The following CDH13 variants were observed in gnomAD, a reference collection of about 807,000 sequenced individuals.
The protein encoded by CDH13 is cadherin-13.
CDH13 carries 24 observed loss-of-function variants against 63.8 expected under a neutral mutation model. The observed-to-expected ratio is 0.38, with a 90% CI of 0.27 to 0.53. The LOEUF (loss-of-function observed/expected upper bound fraction) is 0.53. Ranked by LOEUF, CDH13 falls within the 20% of genes least tolerant of loss-of-function variation. CDH13 has a pLI of 0.85. For missense variants in CDH13, 1,049 were observed against 903.1 expected, an observed-to-expected ratio of 1.16 and a Z score of -2.07; for synonymous variants, 503 against 355.3, an observed-to-expected ratio of 1.42 and a Z score of -4.67.
intron 8 of CDH13, among the ~76,000 whole-genome samples, chr16:83,645,532 C>T (rs1598407306): frequency 4.5e-5 from 2 of 44,760 alleles, no homozygotes. Flanking sequence ...CAAACATGCA[C>T]ACATGCCCCC....
At chr16:82,927,952 C>T (rs1477452544) in intron 2 of CDH13, among the ~76,000 whole-genome samples, 1 of 152,136 alleles carries the variant, frequency 6.6e-6, no homozygotes, top group African/African-American at 2.4e-5. Context: ...AAGACATGGT[C>T]TAGTTGGGGA....
intron 8 of CDH13, among the ~76,000 whole-genome samples, chr16:83,654,541 G>A (rs545989734): frequency 2.2e-4 from 34 of 152,182 alleles, no homozygotes; most frequent in African/African-American, 7.5e-4. Context: ...GAGGTCAGAC[G>A]AAGAATCCTG....
intron 2 of CDH13, among the ~76,000 whole-genome samples, chr16:82,999,385 C>A (rs1028452599): frequency 6.6e-6 from 1 of 152,116 alleles, no homozygotes; most frequent in East Asian, 1.9e-4. Flanking sequence ...TAAGAGAATA[C>A]CACTTGTTCT....
At chr16:83,580,235 T>C (rs909729816) in intron 7 of CDH13, among the ~76,000 whole-genome samples, 3 of 152,024 alleles carry the variant, frequency 2.0e-5, no homozygotes, top group South Asian at 2.1e-4. Context: ...TTTTAATAAA[T>C]ATGTGCGTGA....
intron 7 of CDH13, among the ~76,000 whole-genome samples, chr16:83,585,521 G>T (rs1906062849): frequency 6.6e-6 from 1 of 152,126 alleles, no homozygotes; most frequent in South Asian, 2.1e-4. Context: ...TGCTGTGTTT[G>T]CAGTGCTCGT....
intron 1 of CDH13, among the ~76,000 whole-genome samples, chr16:82,821,494 T>A (rs185501907): frequency 4.9e-4 from 75 of 152,300 alleles, no homozygotes; most frequent in Non-Finnish European, 8.8e-4. Flanking sequence ...ATCTGCCCTA[T>A]CCACATTCCT....
intron 1 of CDH13, among the ~76,000 whole-genome samples, chr16:82,780,981 G>A (rs1209826797): frequency 6.6e-6 from 1 of 152,232 alleles, no homozygotes; most frequent in African/African-American, 2.4e-5. Context: ...CACATTTGGG[G>A]TAGCTGTCCT....
chr16:83,537,473 T>G (rs1265370424), intron 7 of CDH13, among the ~76,000 whole-genome samples: 1 of 152,154 alleles, frequency 6.6e-6, no homozygotes, highest in Non-Finnish European at 1.5e-5. Context: ...AATTTGGTAG[T>G]TATATGATTG....
At chr16:82,908,391 C>T (rs114832126) in intron 2 of CDH13, among the ~76,000 whole-genome samples, 1 of 152,210 alleles carries the variant, frequency 6.6e-6, no homozygotes, top group African/African-American at 2.4e-5. Flanking sequence ...GTGGGTGCAG[C>T]TCATGGAACA....
chr16:82,851,437 A>G (rs1316306460), intron 1 of CDH13, among the ~76,000 whole-genome samples: 1 of 73,632 alleles, frequency 1.4e-5, no homozygotes, highest in African/African-American at 4.1e-5. Context: ...TTCGTCTCAA[A>G]AAAAAAATAA....
In CDH13 at chr16:82,849,822, G is replaced by A. The variant is rs73590333; in HGVS notation, c.46-8540G>A. The stretch of plus-strand genomic sequence containing the variant: ...AAGAATTGTGCTGAATCTACTCTGC[G>A]TGTGCTCTACAAAAGGAACAACAAA... On this transcript the variant is annotated intron_variant, in intron 1 of 13. Coordinates refer to ENST00000567109, the MANE Select transcript of CDH13 (RefSeq NM_001257.5). Among the ~76,000 whole-genome samples, 579 of 152,298 alleles carry A rather than the reference G, an allele frequency of 3.8e-3. 3 individuals carry two copies. Among genetic ancestry groups the A allele is most frequent in the African/African-American group, 0.014 (565 of 41,554 alleles).
intron 11 of CDH13, among the ~76,000 whole-genome samples, chr16:83,756,863 A>G (rs1406106474): frequency 6.6e-6 from 1 of 152,210 alleles, no homozygotes; most frequent in East Asian, 1.9e-4. Flanking sequence ...CATCTCTCAT[A>G]TCAGCTTCAA....
chr16:82,783,132 C>T (rs900300279), intron 1 of CDH13, among the ~76,000 whole-genome samples: 1 of 152,192 alleles, frequency 6.6e-6, no homozygotes, highest in East Asian at 1.9e-4. Context: ...GGGTTGGCAC[C>T]GAGGGACATT....
chr16:82,977,739 C>G (rs146226342), intron 2 of CDH13, among the ~76,000 whole-genome samples: 16 of 152,068 alleles, frequency 1.1e-4, no homozygotes, highest in Non-Finnish European at 1.9e-4. Context: ...GGGTGCTGCT[C>G]TAAAGATACC....
intron 8 of CDH13, among the ~76,000 whole-genome samples, chr16:83,625,504 A>T (rs1404970637): frequency 6.6e-6 from 1 of 152,180 alleles, no homozygotes; most frequent in Non-Finnish European, 1.5e-5. Flanking sequence ...CGAGCCTGTT[A>T]CCTGCTTTCC....
At chr16:83,052,660 A>T (rs891534876) in intron 3 of CDH13, among the ~76,000 whole-genome samples, 2 of 151,478 alleles carry the variant, frequency 1.3e-5, no homozygotes, top group Admixed American at 1.3e-4. Context: ...CGCGCCTTTA[A>T]TCCCAGCTAC....
chr16:82,831,900 C>T (rs186859673), intron 1 of CDH13, among the ~76,000 whole-genome samples: 1 of 152,126 alleles, frequency 6.6e-6, no homozygotes. Flanking sequence ...CTCACAGGTT[C>T]CCTCTGTTAA....
chr16:83,758,392 T>A (rs779015036), intron 11 of CDH13, among the ~76,000 whole-genome samples: 3 of 152,002 alleles, frequency 2.0e-5, no homozygotes. Context: ...TTGAAAAAAA[T>A]TCATGTTGAT....
intron 2 of CDH13, among the ~76,000 whole-genome samples, chr16:82,927,319 C>T (rs949216522): frequency 6.6e-6 from 1 of 152,140 alleles, no homozygotes; most frequent in Non-Finnish European, 1.5e-5. Context: ...AGTCATGTCA[C>T]CATTACCTTG....
Sources: allele counts gnomAD v4.1 joint callset (sites outside exome capture counted in the v4.1 genomes callset), GRCh38; gene constraint gnomAD v4.1.1; transcripts MANE v1.5; gene names NCBI Gene and HGNC (gene_info 2026-07-23, HGNC 2026-07-21).